The following PTPRD variants were observed in gnomAD, a reference collection of about 807,000 sequenced individuals.
PTPRD encodes the protein receptor-type tyrosine-protein phosphatase delta.
PTPRD carries 34 observed loss-of-function variants against 214.5 expected under a neutral mutation model. The ratio of observed to expected loss-of-function variants is 0.16; its 90% CI spans 0.12 to 0.21. PTPRD has a LOEUF of 0.21. PTPRD is among the 10% of genes least tolerant of loss of function. PTPRD has a pLI of 1.00. For synonymous variants in PTPRD, 1,128 were observed against 845.7 expected (o/e 1.33, Z -5.79); for missense variants, 2,545 against 2,398.7 (o/e 1.06, Z -1.27).
intron 7 of PTPRD, among the ~76,000 whole-genome samples, chr9:9,652,366 G>A (rs2096384251): frequency 6.6e-6 from 1 of 152,102 alleles, no homozygotes. Context: ...ATTAATATAT[G>A]TAATTATGTG....
At chr9:10,527,231 C>A (rs947841195) in intron 2 of PTPRD, among the ~76,000 whole-genome samples, 16 of 152,126 alleles carry the variant, frequency 1.1e-4, no homozygotes, top group Admixed American at 3.3e-4. Flanking sequence ...AATATGCTCG[C>A]AAGTCTGCTC....
chr9:8,520,324 T>C (rs952737912), intron 20 of PTPRD, among the ~76,000 whole-genome samples: 1 of 152,132 alleles, frequency 6.6e-6, no homozygotes, highest in African/African-American at 2.4e-5. Context: ...ATGTCATTAG[T>C]TTTATATAGC....
intron 3 of PTPRD, among the ~76,000 whole-genome samples, chr9:10,046,716 A>T (rs2097404166): frequency 6.6e-6 from 1 of 151,962 alleles, no homozygotes; most frequent in African/African-American, 2.4e-5. Context: ...GATTGCACTC[A>T]GAGAGCAATT....
intron 11 of PTPRD, among the ~76,000 whole-genome samples, chr9:8,828,730 A>T (rs2097222241): frequency 6.6e-6 from 1 of 152,216 alleles, no homozygotes; most frequent in South Asian, 2.1e-4. Flanking sequence ...AAAAACATAT[A>T]TAATAAATTG....
intron 4 of PTPRD, among the ~76,000 whole-genome samples, chr9:9,939,235 G>A (rs1323404340): frequency 1.3e-5 from 2 of 152,128 alleles, no homozygotes; most frequent in Non-Finnish European, 2.9e-5. Context: ...CATAGAGCAG[G>A]GCTCCTGTAT....
chr9:8,897,082 T>C (rs2098622244), intron 11 of PTPRD, among the ~76,000 whole-genome samples: 1 of 152,208 alleles, frequency 6.6e-6, no homozygotes, highest in Admixed American at 6.6e-5. Flanking sequence ...TGTTTGCTGA[T>C]GATCATTTTC....
At chr9:10,014,487 T>C (rs1339728870) in intron 4 of PTPRD, among the ~76,000 whole-genome samples, 1 of 152,084 alleles carries the variant, frequency 6.6e-6, no homozygotes, top group African/African-American at 2.4e-5. Flanking sequence ...ATGGTTGTTT[T>C]CTAATGACTT....
chr9:9,894,568 C>G (rs1465018444), intron 5 of PTPRD, among the ~76,000 whole-genome samples: 2 of 151,974 alleles, frequency 1.3e-5, no homozygotes, highest in Admixed American at 1.3e-4. Flanking sequence ...TGCAGTTCAG[C>G]ACCATCATTT....
chr9:10,356,607 T>C (rs774950570), intron 2 of PTPRD, among the ~76,000 whole-genome samples: 3 of 152,204 alleles, frequency 2.0e-5, no homozygotes, highest in Non-Finnish European at 4.4e-5. Context: ...TTACCTTAAA[T>C]CTTATTTTTT....
At chr9:9,644,171 C>T (rs1201026791) in intron 7 of PTPRD, among the ~76,000 whole-genome samples, 1 of 152,074 alleles carries the variant, frequency 6.6e-6, no homozygotes, top group Non-Finnish European at 1.5e-5. Flanking sequence ...TTCTTTGTGA[C>T]AGTAGCAGCA....
chr9:8,746,746 T>A (rs1057342714), intron 11 of PTPRD, among the ~76,000 whole-genome samples: 2 of 152,170 alleles, frequency 1.3e-5, no homozygotes, highest in Non-Finnish European at 2.9e-5. Context: ...GTAATCCCAG[T>A]GCTTTCAGAG....
intron 5 of PTPRD, among the ~76,000 whole-genome samples, chr9:9,931,470 G>C (rs909895237): frequency 1.2e-4 from 19 of 152,198 alleles, no homozygotes; most frequent in Admixed American, 1.2e-3. Flanking sequence ...GTGACAGATG[G>C]CACCTGGAAA....
At chr9:8,633,977 G>T (rs1414542876) in intron 13 of PTPRD, among the ~76,000 whole-genome samples, 4 of 152,010 alleles carry the variant, frequency 2.6e-5, no homozygotes, top group African/African-American at 9.6e-5. Context: ...CTAGTACTTA[G>T]GCAGCCAACG....
intron 14 of PTPRD, among the ~76,000 whole-genome samples, chr9:8,558,858 G>A (rs866912615): frequency 2.6e-5 from 4 of 152,206 alleles, no homozygotes; most frequent in Middle Eastern, 3.4e-3. Flanking sequence ...ACAAAATGGT[G>A]CTTGGCATTC....
chr9:9,895,043 A>C (rs1035585893), intron 5 of PTPRD, among the ~76,000 whole-genome samples: 12 of 152,068 alleles, frequency 7.9e-5, no homozygotes, highest in Admixed American at 7.9e-4. Context: ...AATAATGTGT[A>C]AACAATGCCT....
At chr9:8,863,467 A>G (rs906700117) in intron 11 of PTPRD, among the ~76,000 whole-genome samples, 15 of 152,230 alleles carry the variant, frequency 9.9e-5, no homozygotes, top group African/African-American at 3.4e-4. Context: ...TGCATGCATT[A>G]TGATAACTGT....
At chr9:9,158,719 A>G (rs769744308) in intron 10 of PTPRD, among the ~76,000 whole-genome samples, 166 of 152,310 alleles carry the variant, frequency 1.1e-3, no homozygotes, top group Non-Finnish European at 8.2e-4. Context: ...TAAGGCCAGC[A>G]TTACCACAGT....
chr9:10,002,786 A>G (rs2096361991), intron 4 of PTPRD, among the ~76,000 whole-genome samples: 1 of 151,496 alleles, frequency 6.6e-6, no homozygotes. Context: ...ATGAAAAAGT[A>G]GATGATAAAA....
chr9:10,346,878 T>C (rs2097093518), intron 2 of PTPRD, among the ~76,000 whole-genome samples: 1 of 152,184 alleles, frequency 6.6e-6, no homozygotes. Flanking sequence ...CTGAGTAATC[T>C]TAGATCTATC....
Sources: gnomAD v4.1 joint callset for allele counts (sites outside exome capture counted in the v4.1 genomes callset) on GRCh38, gnomAD v4.1.1 for gene constraint, MANE v1.5 for transcripts, NCBI Gene and HGNC (gene_info 2026-07-23, HGNC 2026-07-21) for gene names.